RPL39L: variants seen among roughly 807,000 people sequenced by gnomAD.
RPL39L encodes the protein ribosomal protein eL39-like 2.
For missense variants in RPL39L, 48 were observed against 58.9 expected (o/e 0.81, Z 0.61); for synonymous variants, 16 against 20.1 (o/e 0.80, Z 0.55).
intron 1 of RPL39L, among the ~76,000 whole-genome samples, chr3:187,136,521 G>A (rs1309275309): frequency 6.6e-6 from 1 of 152,246 alleles, no homozygotes; most frequent in Non-Finnish European, 1.5e-5. Flanking sequence ...TAATTAGGCT[G>A]TGGTTCTTTA....
intron 1 of RPL39L, among the ~76,000 whole-genome samples, chr3:187,136,452 G>A (rs1020637322): frequency 1.3e-5 from 2 of 152,192 alleles, no homozygotes; most frequent in Non-Finnish European, 2.9e-5. Flanking sequence ...CAACTGAGTT[G>A]GTTCTAATGC....
At position 187,121,105 on chromosome 3, in the gene RPL39L, G is replaced by A; in HGVS notation, c.*40C>T. 2 of 1,606,738 alleles carry A rather than the reference G, an allele frequency of 1.2e-6. No homozygotes were observed. Among genetic ancestry groups the A allele is most frequent in the East Asian group, 4.5e-5 (2 of 44,862 alleles). On this transcript the variant is annotated 3_prime_UTR_variant, in exon 3 of 3. Transcript: ENST00000296277. ...GATATCGTAAGATGATCGTGAACTT[G>A]ATACAGCATAAATATGTGTGCCATC...
intron 1 of RPL39L, among the ~76,000 whole-genome samples, chr3:187,137,595 C>T (rs975004173): frequency 6.6e-6 from 1 of 152,056 alleles, no homozygotes; most frequent in Non-Finnish European, 1.5e-5. Context: ...GGCAGATCAT[C>T]TGAGGTCAGG....
chr3:187,139,468 A>C lies in RPL39L; in HGVS notation c.-348T>G, dbSNP rs376813882. The C allele has an allele frequency of 1.2e-4, 18 of 152,188 alleles. No homozygotes were observed. Among genetic ancestry groups the C allele is most frequent in the African/African-American group, 3.6e-4 (15 of 41,530 alleles). 9.4% of individuals were successfully genotyped at this position (152,188 alleles called of 1,614,324 possible). A position where few individuals can be genotyped will look rare whatever the true frequency, so the allele number is the denominator to read the frequency against. ...GTTGCCTCGCTGGGCGCAGCAATTC[A>C]ACCGCCGCGCGCCGGATGCTAAGAC... On this transcript the variant is annotated 5_prime_UTR_variant, in exon 1 of 3. Coordinates refer to ENST00000296277, the MANE Select transcript of RPL39L (RefSeq NM_052969.3).
At chr3:187,131,851 T>G (rs1488771035) in intron 1 of RPL39L, among the ~76,000 whole-genome samples, 1 of 152,230 alleles carries the variant, frequency 6.6e-6, no homozygotes, top group Non-Finnish European at 1.5e-5. Flanking sequence ...CTACAGTTGT[T>G]GAAATTATAA....
intron 1 of RPL39L, among the ~76,000 whole-genome samples, chr3:187,128,653 G>C (rs567742445): frequency 6.6e-6 from 1 of 152,152 alleles, no homozygotes; most frequent in Non-Finnish European, 1.5e-5. Context: ...GGGACTACAG[G>C]TTATGTCCCA....
At chr3:187,122,503 A>T (rs1372390143) in intron 2 of RPL39L, among the ~76,000 whole-genome samples, 1 of 152,110 alleles carries the variant, frequency 6.6e-6, no homozygotes, top group Non-Finnish European at 1.5e-5. Flanking sequence ...ATGTGACCCA[A>T]GCTATTATCT....
At chr3:187,121,446 T>A in intron 2 of RPL39L, 118 bp from the exon 3 acceptor site, 1 of 1,014,170 alleles carries the variant, frequency 9.9e-7, no homozygotes, top group Non-Finnish European at 1.4e-6. Flanking sequence ...GAGGGCTCAT[T>A]GCCACTCAGG....
At chr3:187,137,003 C>T (rs1172799885) in intron 1 of RPL39L, among the ~76,000 whole-genome samples, 7 of 151,022 alleles carry the variant, frequency 4.6e-5, no homozygotes, top group Non-Finnish European at 1.0e-4. Flanking sequence ...AGTTTGAGAT[C>T]AGCCCGAGTA....
At chr3:187,123,974 T>C (rs1465644006) in intron 2 of RPL39L, among the ~76,000 whole-genome samples, 1 of 152,162 alleles carries the variant, frequency 6.6e-6, no homozygotes, top group African/African-American at 2.4e-5. Flanking sequence ...GCTATCTGCA[T>C]TGGAGACAGT....
intron 2 of RPL39L, among the ~76,000 whole-genome samples, chr3:187,127,472 A>C (rs868800762): frequency 2.6e-5 from 4 of 152,238 alleles, no homozygotes; most frequent in Admixed American, 6.5e-5. Flanking sequence ...ACTTAGAAGC[A>C]ATATGCGTAT....
chr3:187,135,540 C>T (rs1579415296), intron 1 of RPL39L, among the ~76,000 whole-genome samples: 1 of 152,180 alleles, frequency 6.6e-6, no homozygotes, highest in Admixed American at 6.5e-5. Context: ...TGTGAGGCCT[C>T]CCCAGCCATG....
intron 1 of RPL39L, among the ~76,000 whole-genome samples, chr3:187,128,332 C>T (rs1405533747): frequency 1.3e-5 from 2 of 152,144 alleles, no homozygotes; most frequent in Non-Finnish European, 1.5e-5. Context: ...GGGATGTGTA[C>T]ACCTGTTTCT....
At chr3:187,126,043 G>A (rs925968143) in intron 2 of RPL39L, among the ~76,000 whole-genome samples, 19 of 152,146 alleles carry the variant, frequency 1.2e-4, no homozygotes, top group East Asian at 7.7e-4. Context: ...ATGGAACTCC[G>A]GGAATCTTTT....
chr3:187,129,171 T>G (rs961112106), intron 1 of RPL39L, among the ~76,000 whole-genome samples: 1 of 152,228 alleles, frequency 6.6e-6, no homozygotes, highest in African/African-American at 2.4e-5. Context: ...CCATGTGAGT[T>G]AATACACTGC....
At chr3:187,137,423 T>C (rs977103005) in intron 1 of RPL39L, among the ~76,000 whole-genome samples, 1 of 151,480 alleles carries the variant, frequency 6.6e-6, no homozygotes, top group African/African-American at 2.4e-5. Context: ...GGCAGGAGGA[T>C]CACCTGAACC....
intron 1 of RPL39L, among the ~76,000 whole-genome samples, chr3:187,132,330 T>C (rs917307007): frequency 6.6e-6 from 1 of 152,228 alleles, no homozygotes; most frequent in African/African-American, 2.4e-5. Flanking sequence ...CAGATTTTTT[T>C]TGAAAAAAGT....
In RPL39L at chr3:187,128,600, C is replaced by T. The variant is rs115536427; in HGVS notation, c.-92-538G>A. Among the ~76,000 whole-genome samples, 871 of 152,266 alleles carry T rather than the reference C, an allele frequency of 5.7e-3. 16 individuals are homozygous for T. The highest frequency in any genetic ancestry group is 0.052 in the East Asian group (271 of 5,178). ...TCCTAGTTCACTGCAGCCTCAAATG[C>T]CTGGCCTCGAGTAATCCTCCTGCCT... On this transcript the variant is annotated intron_variant, in intron 1 of 2. Coordinates refer to ENST00000296277, the MANE Select transcript of RPL39L (RefSeq NM_052969.3).
chr3:187,123,472 G>A (rs556990800), intron 2 of RPL39L, among the ~76,000 whole-genome samples: 1 of 152,264 alleles, frequency 6.6e-6, no homozygotes, highest in African/African-American at 2.4e-5. Flanking sequence ...ACCAATCACA[G>A]TTCATCTTAA....
Sources: gnomAD v4.1 joint callset for allele counts (sites outside exome capture counted in the v4.1 genomes callset) on GRCh38, gnomAD v4.1.1 for gene constraint, MANE v1.5 for transcripts, NCBI Gene and HGNC (gene_info 2026-07-23, HGNC 2026-07-21) for gene names.